Variants in RAP1GDS1 observed in about 807,000 individuals in gnomAD.
The protein encoded by RAP1GDS1 is Rap1 GTPase-GDP dissociation stimulator 1, also known as RAP1, GTP-GDP dissociation stimulator 1.
RAP1GDS1 carries 35 observed loss-of-function variants against 71.1 expected under a neutral mutation model. The observed-to-expected ratio is 0.49, with a 90% confidence interval of 0.38 to 0.65. RAP1GDS1 has a LOEUF of 0.65. Ranked by LOEUF, RAP1GDS1 falls within the 30% of genes least tolerant of loss-of-function variation. The probability of loss-of-function intolerance (pLI) is 0.00; values close to 1 mark genes in which losing one functional copy is unlikely to be tolerated. For synonymous variants in RAP1GDS1, 229 were observed against 243.1 expected, an observed-to-expected ratio of 0.94 and a Z score of 0.54; for missense variants, 663 against 706.1, an observed-to-expected ratio of 0.94 and a Z score of 0.69.
rs1439536560 is a variant in RAP1GDS1, at chr4:98,352,657, A to G, written c.361+56A>G. The G allele has an allele frequency of 8.8e-6, 14 of 1,585,354 alleles. No homozygotes were observed. In the Admixed American group the frequency reaches 1.9e-4, roughly 22 times the overall value. On this transcript the variant is annotated intron_variant, in intron 4 of 14. Transcript: ENST00000408927. The stretch of plus-strand genomic sequence containing the variant: ...CATTTTTAAGAATTATGATATTCAG[A>G]CTAATCTGCTTTTGTGTTAGCAGTG...
chr4:98,434,475 C>A (rs891446499), intron 13 of RAP1GDS1, among the ~76,000 whole-genome samples: 1 of 152,034 alleles, frequency 6.6e-6, no homozygotes, highest in African/African-American at 2.4e-5. Flanking sequence ...TCTTGCTGTT[C>A]TCCTTCTCCA....
At chr4:98,346,013 CA>C (rs962535121) in intron 3 of RAP1GDS1, among the ~76,000 whole-genome samples, 35 of 152,292 alleles carry the variant, frequency 2.3e-4, no homozygotes, top group African/African-American at 8.4e-4. Context: ...GCAACAGACT[CA>C]CCCGGGAACT....
chr4:98,328,894 G>A (rs1320196901), intron 2 of RAP1GDS1, among the ~76,000 whole-genome samples: 1 of 152,290 alleles, frequency 6.6e-6, no homozygotes, highest in African/African-American at 2.4e-5. Context: ...TTGATCACAC[G>A]GTATTCCCAG....
At chr4:98,417,335 C>G (rs760426556) in intron 8 of RAP1GDS1, 32 bp from the exon 9 acceptor site, 4 of 1,589,638 alleles carry the variant, frequency 2.5e-6, no homozygotes, top group Non-Finnish European at 3.4e-6. Context: ...TTATTTTTCT[C>G]TTGCTTAACT....
intron 1 of RAP1GDS1, among the ~76,000 whole-genome samples, chr4:98,275,447 G>A (rs1724068147): frequency 1.3e-5 from 2 of 152,100 alleles, no homozygotes; most frequent in Non-Finnish European, 1.5e-5. Context: ...AAAGGAATGA[G>A]TTGTGTTCCA....
intron 5 of RAP1GDS1, among the ~76,000 whole-genome samples, chr4:98,389,882 GTCCCTGGACTGTTGGATTTT>G (rs932462937): frequency 6.6e-6 from 1 of 152,104 alleles, no homozygotes; most frequent in Non-Finnish European, 1.5e-5. Flanking sequence ...TTCCTCTGAT[GTCCCTGGACTGTTGGATTTT>G]TCATAGTTTG....
chr4:98,406,440 G>A (rs1354547839), intron 7 of RAP1GDS1, among the ~76,000 whole-genome samples: 1 of 151,860 alleles, frequency 6.6e-6, no homozygotes, highest in African/African-American at 2.4e-5. Flanking sequence ...ACTTGCTAGA[G>A]ATAAAGAGGG....
At chr4:98,356,312 G>C (rs1361884984) in intron 4 of RAP1GDS1, among the ~76,000 whole-genome samples, 1 of 151,984 alleles carries the variant, frequency 6.6e-6, no homozygotes, top group Non-Finnish European at 1.5e-5. Context: ...AGCTGTCTTT[G>C]TGGCATTCCT....
intron 5 of RAP1GDS1, among the ~76,000 whole-genome samples, chr4:98,389,295 A>G (rs1364697029): frequency 6.9e-6 from 1 of 145,870 alleles, no homozygotes; most frequent in Non-Finnish European, 1.5e-5. Flanking sequence ...GTTTCTGTAA[A>G]AGTGTGTTTT....
intron 2 of RAP1GDS1, among the ~76,000 whole-genome samples, chr4:98,317,482 A>G (rs538483805): frequency 3.3e-5 from 5 of 152,294 alleles, no homozygotes; most frequent in South Asian, 4.1e-4. Context: ...TTCTACTGTC[A>G]TGGGGTAATC....
chr4:98,421,499 T>A, intron 12 of RAP1GDS1, 105 bp downstream of exon 12: 1 of 1,216,348 alleles, frequency 8.2e-7, no homozygotes, highest in Non-Finnish European at 1.1e-6. Context: ...CTGAAAGTAT[T>A]GTGAAGATTC....
At chr4:98,339,173 G>T (rs1187929429) in intron 2 of RAP1GDS1, among the ~76,000 whole-genome samples, 2 of 152,120 alleles carry the variant, frequency 1.3e-5, no homozygotes, top group Non-Finnish European at 2.9e-5. Flanking sequence ...ATATCTGGCA[G>T]TGTCATAACT....
chr4:98,357,249 T>A (rs947901578), intron 4 of RAP1GDS1, among the ~76,000 whole-genome samples: 6 of 151,980 alleles, frequency 3.9e-5, no homozygotes, highest in Non-Finnish European at 5.9e-5. Flanking sequence ...TAAAGTCTCA[T>A]GCAAGTCTTT....
In RAP1GDS1 at chr4:98,358,413, G is replaced by GT. The variant is rs543022683; in HGVS notation, c.361+5818dup. 6.3e-4 allele frequency among the ~76,000 whole-genome samples: 96 copies of GT among 152,090 alleles called. 1 individual carries two copies. The South Asian group carries it at 0.019, about 31-fold the overall frequency. On this transcript the variant is annotated intron_variant, in intron 4 of 14. Transcript: ENST00000408927. ...TTGGGTAGTATATCCCGAGTGTGTT[G>GT]TTTTTTGGTGGTTAAACTTGCTTAA...
At chr4:98,310,061 C>T (rs972847484) in intron 2 of RAP1GDS1, among the ~76,000 whole-genome samples, 9 of 151,978 alleles carry the variant, frequency 5.9e-5, no homozygotes, top group African/African-American at 1.9e-4. Context: ...CTTAGTTTAA[C>T]GTATAACATA....
At position 98,437,112 on chromosome 4, in the gene RAP1GDS1, A is replaced by G. The variant is rs750278320; in HGVS notation, c.1696+44A>G. The G allele has an allele frequency of 2.7e-6, 4 of 1,501,436 alleles. No individual in the cohort carries two copies. In the South Asian group the frequency reaches 5.6e-5, roughly 21 times the overall value. 93.0% of individuals were successfully genotyped at this position (1,501,436 alleles called of 1,614,324 possible). A position where few individuals can be genotyped will look rare whatever the true frequency, so the allele number is the denominator to read the frequency against. ...TTTGATGTCCATAAACATATGGTTCACATTAAATATTAAATATAGAGTAAT... is the reference window on the plus strand; with the variant it reads ...TTTGATGTCCATAAACATATGGTTCGCATTAAATATTAAATATAGAGTAAT... On this transcript the variant is annotated intron_variant, in intron 14 of 14. Coordinates refer to ENST00000408927, the MANE Select transcript of RAP1GDS1 (RefSeq NM_001100427.2).
chr4:98,373,014 A>T (rs969347970), intron 4 of RAP1GDS1, among the ~76,000 whole-genome samples: 1 of 152,198 alleles, frequency 6.6e-6, no homozygotes, highest in African/African-American at 2.4e-5. Context: ...ACAGTCAATT[A>T]TCTTTTAAAA....
chr4:98,327,881 T>C (rs886854066), intron 2 of RAP1GDS1, among the ~76,000 whole-genome samples: 24 of 152,224 alleles, frequency 1.6e-4, no homozygotes, highest in Non-Finnish European at 3.2e-4. Context: ...GTGCTTGCTG[T>C]CATCTCAAAG....
chr4:98,296,432 A>G (rs1275201990), intron 2 of RAP1GDS1, among the ~76,000 whole-genome samples: 1 of 152,084 alleles, frequency 6.6e-6, no homozygotes, highest in Non-Finnish European at 1.5e-5. Context: ...TAACGTTTAT[A>G]CTATATGTGT....
Sources: gnomAD v4.1 joint callset for allele counts (sites outside exome capture counted in the v4.1 genomes callset) on GRCh38, gnomAD v4.1.1 for gene constraint, MANE v1.5 for transcripts, NCBI Gene and HGNC (gene_info 2026-07-23, HGNC 2026-07-21) for gene names.